INTS7: variants seen among roughly 807,000 people sequenced by gnomAD.
INTS7 encodes the protein chromosome 1 open reading frame 73.
In INTS7, 46 loss-of-function variants were observed where a neutral mutation model predicts 109.2. The observed-to-expected ratio is 0.42, with a 90% CI of 0.33 to 0.54. INTS7 has a LOEUF of 0.54. INTS7 is among the 20% of genes least tolerant of loss of function. The pLI is 0.07. For synonymous variants in INTS7, 412 were observed against 402.9 expected (o/e 1.02, Z -0.27); for missense variants, 929 against 1,132.4 (o/e 0.82, Z 2.58).
intron 8 of INTS7, among the ~76,000 whole-genome samples, chr1:211,985,342 CT>C (rs1664849470): frequency 6.6e-6 from 1 of 152,048 alleles, no homozygotes; most frequent in Non-Finnish European, 1.5e-5. Context: ...TTTAAGTTTG[CT>C]TTTTAAACTA....
chr1:211,996,333 A>C (rs955728070), intron 7 of INTS7, among the ~76,000 whole-genome samples: 1 of 152,104 alleles, frequency 6.6e-6, no homozygotes, highest in Non-Finnish European at 1.5e-5. Flanking sequence ...GAGACAGGAG[A>C]ATCGCTTGAA....
intron 7 of INTS7, among the ~76,000 whole-genome samples, chr1:211,996,150 G>A (rs7534064): frequency 0.24 from 36,641 of 152,150 alleles, 5,797 homozygotes; most frequent in Non-Finnish European, 0.35. Flanking sequence ...GGCCGGATGC[G>A]GTGGCTCACC....
rs763356247 is a variant in INTS7 at position 211,944,984 on chromosome 1, C to T, written c.2416-15G>A. The T allele has an allele frequency of 1.9e-5, 31 of 1,611,278 alleles. No homozygotes were observed. The highest frequency in any genetic ancestry group is 2.4e-5 in the Non-Finnish European group (28 of 1,177,926). On this transcript the variant is annotated splice_polypyrimidine_tract_variant and intron_variant, in intron 18 of 19. Transcript: ENST00000366994. ...GACAGAGCAAGCTGGAATGCCAACA[C>T]TCAAATAAATGCCAACAACCAAGAG...
intron 7 of INTS7, among the ~76,000 whole-genome samples, chr1:211,991,926 T>C (rs975958220): frequency 3.3e-5 from 5 of 152,154 alleles, no homozygotes; most frequent in Non-Finnish European, 7.4e-5. Flanking sequence ...CAGTGCCAAA[T>C]GTAAAGTGCC....
chr1:211,951,170 G>C (rs1663064953), intron 17 of INTS7, among the ~76,000 whole-genome samples: 1 of 152,298 alleles, frequency 6.6e-6, no homozygotes, highest in African/African-American at 2.4e-5. Flanking sequence ...CTCTCCAAGG[G>C]GTAAAGTTCA....
intron 10 of INTS7, among the ~76,000 whole-genome samples, chr1:211,979,941 G>T (rs900523950): frequency 6.6e-6 from 1 of 152,052 alleles, no homozygotes; most frequent in African/African-American, 2.4e-5. Context: ...GTTCCGCTTG[G>T]TATTATAGTC....
chr1:212,015,150 C>CGGGAAGTGT (rs1302010292), intron 4 of INTS7, among the ~76,000 whole-genome samples: 21 of 151,990 alleles, frequency 1.4e-4, no homozygotes, highest in Non-Finnish European at 2.2e-4. Flanking sequence ...AGCCCCTGCC[C>CGGGAAGTGT]GGGAAGTGTG....
chr1:211,960,406 T>C (rs1411278255), intron 16 of INTS7, among the ~76,000 whole-genome samples: 2 of 152,192 alleles, frequency 1.3e-5, no homozygotes, highest in African/African-American at 4.8e-5. Flanking sequence ...ATGCCTTTTT[T>C]CTTCCGAATG....
intron 16 of INTS7, among the ~76,000 whole-genome samples, chr1:211,963,891 A>C (rs116817424): frequency 0.015 from 2,282 of 152,294 alleles, 27 homozygotes; most frequent in Non-Finnish European, 0.024. Flanking sequence ...ACATCATACC[A>C]AATGGGCAAA....
At chr1:212,027,787 C>T (rs1666993002) in intron 1 of INTS7, among the ~76,000 whole-genome samples, 1 of 152,120 alleles carries the variant, frequency 6.6e-6, no homozygotes, top group Non-Finnish European at 1.5e-5. Context: ...GGGGCAGAGT[C>T]CCAGGCATCT....
intron 16 of INTS7, chr1:211,966,158 T>C (rs1217187969): frequency 2.4e-5 from 5 of 212,598 alleles, no homozygotes; most frequent in Admixed American, 5.7e-5. Flanking sequence ...AACTCAATTT[T>C]TCGTAGTATA....
At chr1:211,978,194 T>A (rs535033919) in intron 11 of INTS7, 78 bp downstream of exon 11, 1 of 1,494,724 alleles carries the variant, frequency 6.7e-7, no homozygotes, top group South Asian at 1.2e-5. Context: ...TAAAGTCAAA[T>A]AGTAATGTTG....
chr1:212,019,252 A>G (rs1303779045), intron 3 of INTS7, among the ~76,000 whole-genome samples: 2 of 152,152 alleles, frequency 1.3e-5, no homozygotes, highest in African/African-American at 4.8e-5. Context: ...CTCCATCTCA[A>G]TAAATAAATT....
intron 1 of INTS7, among the ~76,000 whole-genome samples, chr1:212,031,762 AAAGT>A (rs1452773787): frequency 6.6e-6 from 1 of 152,220 alleles, no homozygotes; most frequent in African/African-American, 2.4e-5. Context: ...ACTACATCCT[AAAGT>A]AATGGAATTG....
At position 211,941,636 on chromosome 1, in the gene INTS7, G is replaced by A; in HGVS notation, c.*188C>T. The A allele has an allele frequency of 5.2e-6, 4 of 763,946 alleles. No individual in the cohort carries two copies. Among genetic ancestry groups the A allele is most frequent in the Admixed American group, 3.0e-5 (1 of 33,480 alleles). 47.3% of individuals were successfully genotyped at this position (763,946 alleles called of 1,614,324 possible). On this transcript the variant is annotated 3_prime_UTR_variant, in exon 20 of 20. Coordinates refer to ENST00000366994, the MANE Select transcript of INTS7 (RefSeq NM_015434.4). ...CCCAAAGTGCTGGGATTACAGGCGT[G>A]AGCAACCACGCCCAGCTGTCAGACA...
intron 3 of INTS7, 98 bp downstream of exon 3, chr1:212,020,021 ACTC>A: frequency 1.3e-6 from 1 of 796,952 alleles, no homozygotes; most frequent in Middle Eastern, 3.8e-4. Context: ...AACATAAACA[ACTC>A]CTAATACTCA....
intron 7 of INTS7, among the ~76,000 whole-genome samples, chr1:212,000,485 AC>A (rs34810119): frequency 6.6e-6 from 1 of 152,202 alleles, no homozygotes; most frequent in Non-Finnish European, 1.5e-5. Flanking sequence ...AGACAGCACA[AC>A]CCCAACCCTA....
intron 7 of INTS7, among the ~76,000 whole-genome samples, chr1:211,991,185 C>T (rs1665128227): frequency 6.6e-6 from 1 of 151,956 alleles, no homozygotes; most frequent in Non-Finnish European, 1.5e-5. Flanking sequence ...GGGGGATAAA[C>T]CAATTTTAGA....
At chr1:211,967,626 T>C (rs1477877071) in intron 15 of INTS7, among the ~76,000 whole-genome samples, 1 of 152,178 alleles carries the variant, frequency 6.6e-6, no homozygotes, top group Non-Finnish European at 1.5e-5. Context: ...TAAGCAACAC[T>C]GGCTTTGGAT....
Sources: gnomAD v4.1 joint callset for allele counts (sites outside exome capture counted in the v4.1 genomes callset) on GRCh38, gnomAD v4.1.1 for gene constraint, MANE v1.5 for transcripts, NCBI Gene and HGNC (gene_info 2026-07-23, HGNC 2026-07-21) for gene names.